Variants in CHRM3 observed in about 807,000 individuals in gnomAD.
CHRM3 encodes muscarinic acetylcholine receptor M3.
In CHRM3, 11 loss-of-function variants were observed where a neutral mutation model predicts 41.8. The observed-to-expected ratio is 0.26, with a 90% confidence interval of 0.17 to 0.44. The LOEUF (loss-of-function observed/expected upper bound fraction) is 0.44. CHRM3 is among the 20% of genes least tolerant of loss of function. CHRM3 has a pLI of 1.00. For missense variants in CHRM3, 571 were observed against 745.4 expected (o/e 0.77, Z 2.72); for synonymous variants, 297 against 301.4 (o/e 0.99, Z 0.15).
At chr1:239,550,941 T>C (rs1174613806) in intron 3 of CHRM3, among the ~76,000 whole-genome samples, 3 of 152,010 alleles carry the variant, frequency 2.0e-5, no homozygotes, top group African/African-American at 4.8e-5. Flanking sequence ...ATAATAACTA[T>C]TTTATTTCTT....
chr1:239,616,707 T>A (rs923299576), intron 3 of CHRM3, among the ~76,000 whole-genome samples: 9 of 152,028 alleles, frequency 5.9e-5, no homozygotes, highest in African/African-American at 2.2e-4. Context: ...TTTCCAAATA[T>A]TTAAGAGGTT....
intron 2 of CHRM3, among the ~76,000 whole-genome samples, chr1:239,509,713 T>G (rs987817942): frequency 3.3e-5 from 5 of 152,220 alleles, no homozygotes; most frequent in African/African-American, 7.2e-5. Context: ...ATTCAGTACA[T>G]AAAATAATAG....
chr1:239,866,443 G>T (rs963069349), intron 6 of CHRM3, among the ~76,000 whole-genome samples: 1 of 151,846 alleles, frequency 6.6e-6, no homozygotes, highest in African/African-American at 2.4e-5. Flanking sequence ...CAGCCAGTAA[G>T]AGGTGGATCC....
intron 1 of CHRM3, among the ~76,000 whole-genome samples, chr1:239,489,368 G>A (rs184324737): frequency 1.8e-3 from 277 of 151,826 alleles, no homozygotes; most frequent in African/African-American, 5.3e-3. Flanking sequence ...AGCTGAGATC[G>A]CGCCATTGCA....
At chr1:239,792,953 A>G (rs1391889719) in intron 5 of CHRM3, among the ~76,000 whole-genome samples, 2 of 152,236 alleles carry the variant, frequency 1.3e-5, no homozygotes, top group South Asian at 2.1e-4. Flanking sequence ...TAACACAAGT[A>G]TCAATAGGAA....
At chr1:239,488,588 G>A (rs531419790) in intron 1 of CHRM3, among the ~76,000 whole-genome samples, 28 of 151,638 alleles carry the variant, frequency 1.8e-4, no homozygotes, top group South Asian at 1.0e-3. Context: ...GGTGGCAGGC[G>A]CCTGTAGTCC....
At chr1:239,813,498 A>G (rs1671280936) in intron 5 of CHRM3, among the ~76,000 whole-genome samples, 1 of 152,104 alleles carries the variant, frequency 6.6e-6, no homozygotes, top group Non-Finnish European at 1.5e-5. Flanking sequence ...TTATACTATT[A>G]ATTTTTGCAA....
At chr1:239,647,560 A>T (rs1671847570) in intron 4 of CHRM3, among the ~76,000 whole-genome samples, 1 of 151,776 alleles carries the variant, frequency 6.6e-6, no homozygotes, top group Non-Finnish European at 1.5e-5. Context: ...TTGGTTCAGA[A>T]TTTTTTTCCT....
Position 239,527,912 on chromosome 1 carries a change from A to AT in CHRM3, c.-421-17719dup, listed in dbSNP as rs772520421. ...CCATCCCCTTGTACTACAACTTTTG[A>AT]TTTTTTTTTTCTTTTCACAACTGCT... On this transcript the variant is annotated intron_variant, in intron 2 of 6. Coordinates refer to ENST00000676153, the MANE Select transcript of CHRM3 (RefSeq NM_001375978.1). Among the ~76,000 whole-genome samples the AT allele has an allele frequency of 4.7e-3, 717 of 151,786 alleles. 2 individuals carry two copies. Among genetic ancestry groups the AT allele is most frequent in the Admixed American group, 7.7e-3 (117 of 15,238 alleles).
chr1:239,819,279 C>A (rs1347428956), intron 5 of CHRM3, among the ~76,000 whole-genome samples: 1 of 152,150 alleles, frequency 6.6e-6, no homozygotes, highest in African/African-American at 2.4e-5. Context: ...TCTTAGGTCC[C>A]CCTGCAGGAG....
At chr1:239,616,306 C>G (rs375354265) in intron 3 of CHRM3, among the ~76,000 whole-genome samples, 24 of 152,260 alleles carry the variant, frequency 1.6e-4, no homozygotes, top group South Asian at 6.2e-4. Context: ...CAACTTATCT[C>G]TAGGTTGTTT....
At chr1:239,706,670 A>G (rs574992324) in intron 5 of CHRM3, among the ~76,000 whole-genome samples, 190 of 150,504 alleles carry the variant, frequency 1.3e-3, no homozygotes, top group South Asian at 4.0e-3. Flanking sequence ...ACACACTTGC[A>G]TGTACACACA....
intron 6 of CHRM3, among the ~76,000 whole-genome samples, chr1:239,842,998 C>T (rs1264164114): frequency 2.0e-5 from 3 of 152,132 alleles, no homozygotes; most frequent in African/African-American, 7.2e-5. Context: ...TTGCTCTTCT[C>T]TCCTATAAAC....
At chr1:239,782,605 G>A (rs1216335092) in intron 5 of CHRM3, among the ~76,000 whole-genome samples, 2 of 151,888 alleles carry the variant, frequency 1.3e-5, no homozygotes, top group Non-Finnish European at 2.9e-5. Flanking sequence ...TGTAGAAATC[G>A]GTTTCATTGA....
Position 239,762,723 on chromosome 1 carries a change from G to A in CHRM3, c.-146-64529G>A, listed in dbSNP as rs564265002. Among the ~76,000 whole-genome samples, 11 of 152,208 alleles carry A rather than the reference G, an allele frequency of 7.2e-5. No individual in the cohort carries two copies. In the South Asian group the frequency reaches 2.1e-3, roughly 29 times the overall value. On this transcript the variant is annotated intron_variant, in intron 5 of 6. Coordinates refer to ENST00000676153, the MANE Select transcript of CHRM3 (RefSeq NM_001375978.1). ...CATAATCTCAAAATATAAGATTAGA[G>A]CTAATTATGTCCTTGACAAGTAGGA... is the stretch of plus-strand genomic sequence containing the variant.
intron 3 of CHRM3, among the ~76,000 whole-genome samples, chr1:239,621,062 G>A (rs1668306241): frequency 6.6e-6 from 1 of 152,020 alleles, no homozygotes; most frequent in Non-Finnish European, 1.5e-5. Flanking sequence ...TTGTGTCTGT[G>A]TCACATTTTG....
intron 3 of CHRM3, among the ~76,000 whole-genome samples, chr1:239,606,770 G>A (rs1256616659): frequency 1.3e-5 from 2 of 152,144 alleles, no homozygotes; most frequent in East Asian, 1.9e-4. Context: ...AGGGAGCTGT[G>A]TTTTTGATTT....
chr1:239,802,856 C>T (rs1232121391), intron 5 of CHRM3, among the ~76,000 whole-genome samples: 1 of 152,122 alleles, frequency 6.6e-6, no homozygotes, highest in Admixed American at 6.5e-5. Flanking sequence ...CTTCAGCCTC[C>T]CAAAGTGCTG....
At chr1:239,906,354 A>G (rs1011635635) in intron 6 of CHRM3, among the ~76,000 whole-genome samples, 2 of 152,176 alleles carry the variant, frequency 1.3e-5, no homozygotes, top group Admixed American at 6.5e-5. Context: ...AGGGTACACA[A>G]TAGATTTTTG....
Sources: allele counts gnomAD v4.1 joint callset (sites outside exome capture counted in the v4.1 genomes callset), GRCh38; gene constraint gnomAD v4.1.1; transcripts MANE v1.5; gene names NCBI Gene and HGNC (gene_info 2026-07-23, HGNC 2026-07-21).